HAUS2: variants seen among roughly 807,000 people sequenced by gnomAD.
The protein encoded by HAUS2 is HAUS augmin-like complex subunit 2.
Under a neutral mutation model 21.6 loss-of-function variants are expected in HAUS2, and 20 were observed. The ratio of observed to expected loss-of-function variants is 0.93; its 90% confidence interval spans 0.65 to 1.35. The LOEUF is 1.35. Ranked by LOEUF, HAUS2 falls within the 40% of genes most tolerant of loss-of-function variation. The pLI is 0.00. For missense variants in HAUS2, 297 were observed against 280.7 expected (o/e 1.06, Z -0.42); for synonymous variants, 113 against 95.6 (o/e 1.18, Z -1.06).
In HAUS2 at chr15:42,567,141, T is replaced by G; in HGVS notation, c.*325T>G. On this transcript the variant is annotated 3_prime_UTR_variant, in exon 6 of 6. Transcript: ENST00000260372. The stretch of plus-strand genomic sequence containing the variant: ...ATCGTCTGGTGTGGTGGCTCACACC[T>G]GTAATCCTAACACTTGGGGAGGCTG... 4.5e-6 allele frequency: 1 copy of G among 221,636 alleles called. No individual in the cohort carries two copies. Among genetic ancestry groups the G allele is most frequent in the Non-Finnish European group, 9.0e-6 (1 of 111,284 alleles). The allele number at this position is 221,636 out of a possible 1,614,324, so 13.7% of individuals were successfully genotyped here.
chr15:42,561,036 T>A (rs2057846849), intron 3 of HAUS2, among the ~76,000 whole-genome samples: 1 of 152,152 alleles, frequency 6.6e-6, no homozygotes, highest in Non-Finnish European at 1.5e-5. Context: ...TAGCACTAGA[T>A]TTGGTTATCA....
intron 4 of HAUS2, chr15:42,561,610 G>A: frequency 2.2e-6 from 1 of 445,442 alleles, no homozygotes; most frequent in Non-Finnish European, 4.0e-6. Flanking sequence ...ATCGTGTTTT[G>A]GGAATTATAA....
At position 42,568,200 on chromosome 15, in the gene HAUS2, A is replaced by C. The variant is rs1427486889; in HGVS notation, c.*1384A>C. ...TCAGCTGTTGCATCTGGGAACTTAGATATCAGAAGGTATCTTAGTCTGTTC... is the reference window on the plus strand; with the variant it reads ...TCAGCTGTTGCATCTGGGAACTTAGCTATCAGAAGGTATCTTAGTCTGTTC... On this transcript the variant is annotated 3_prime_UTR_variant, in exon 6 of 6. Transcript: ENST00000260372. The C allele has an allele frequency of 1.3e-5, 2 of 152,216 alleles. No individual in the cohort carries two copies. Among genetic ancestry groups the C allele is most frequent in the Admixed American group, 1.3e-4 (2 of 15,270 alleles). The allele number at this position is 152,216 out of a possible 1,614,324, so 9.4% of individuals were successfully genotyped here.
chr15:42,559,394 A>T lies in HAUS2; in HGVS notation c.242A>T (p.His81Leu). The change falls in exon 3 of 6, where the codon CAT (histidine) becomes CTT (leucine). Residue 81 changes from histidine (H) to leucine (L), a missense_variant. By Grantham distance (99) the His-to-Leu change is moderately conservative. Transcript: ENST00000260372. ...GAAAAAGATACAGCAGATGTTGTTC[A>T]TCCTTTCTTTTTGGGTAAGTGGTTT... ...KLEKDTADVV[H>L]PFFLAQKCHT... is the part of the protein sequence containing the mutation. 2 of 1,602,390 alleles carry T rather than the reference A, an allele frequency of 1.2e-6. No individual in the cohort carries two copies. Among genetic ancestry groups the T allele is most frequent in the Non-Finnish European group, 1.7e-6 (2 of 1,169,342 alleles).
At chr15:42,560,761 GT>G in intron 3 of HAUS2, 1 of 698,792 alleles carries the variant, frequency 1.4e-6, no homozygotes, top group Non-Finnish European at 2.6e-6. Context: ...GCTAATTTTT[GT>G]TTTTTCAATT....
intron 1 of HAUS2, among the ~76,000 whole-genome samples, chr15:42,553,826 T>C (rs1459135535): frequency 6.6e-6 from 1 of 151,594 alleles, no homozygotes; most frequent in Non-Finnish European, 1.5e-5. Context: ...TTGTAGAAAA[T>C]ATTTTACTTT....
chr15:42,560,840 G>A (rs903352838), intron 3 of HAUS2: 9 of 701,972 alleles, frequency 1.3e-5, no homozygotes, highest in South Asian at 3.0e-5. Context: ...CAATTCTCCC[G>A]TTTCAGTCTC....
intron 2 of HAUS2, 24 bp downstream of exon 2, chr15:42,558,314 CTTTTTTTTTTTTT>C (rs547363768): frequency 9.6e-5 from 36 of 375,834 alleles, no homozygotes; most frequent in African/African-American, 5.5e-4. Flanking sequence ...TTTTCACTTT[CTTTTTTTTTTTTT>C]TTTTTTTTTT....
Position 42,558,193 on chromosome 15 carries a change from A to T in HAUS2, c.94-5A>T, listed in dbSNP as rs542762361. On this transcript the variant is annotated splice_region_variant and splice_polypyrimidine_tract_variant and intron_variant, in intron 1 of 5. Coordinates refer to ENST00000260372, the MANE Select transcript of HAUS2 (RefSeq NM_018097.3). ...CTGCTACTTTCCTTATTCATTTACC[A>T]ATAGGAGATGTTAAACATGTCTAAG... 5 of 1,276,352 alleles carry T rather than the reference A, an allele frequency of 3.9e-6. No homozygotes were observed. In the East Asian group the frequency reaches 1.2e-4, roughly 30 times the overall value. The allele number at this position is 1,276,352 out of a possible 1,614,324, so 79.1% of individuals were successfully genotyped here.
In HAUS2 at chr15:42,569,296, C is replaced by A. The variant is rs1566838577; in HGVS notation, c.*2480C>A. ...TGTTTTTTGTTTTGTTCTTTTCTTTCCTTTTTTTTTTTTTTTTTTTAAAGA... is the reference window on the plus strand; with the variant it reads ...TGTTTTTTGTTTTGTTCTTTTCTTTACTTTTTTTTTTTTTTTTTTTAAAGA... On this transcript the variant is annotated 3_prime_UTR_variant, in exon 6 of 6. Transcript: ENST00000260372. 1 of 140,670 alleles carries A rather than the reference C, an allele frequency of 7.1e-6. No individual in the cohort carries two copies. The highest frequency in any genetic ancestry group is 1.5e-5 in the Non-Finnish European group (1 of 65,308). 8.7% of individuals were successfully genotyped at this position (140,670 alleles called of 1,614,324 possible).
intron 1 of HAUS2, among the ~76,000 whole-genome samples, chr15:42,550,430 G>A (rs927603493): frequency 2.6e-5 from 4 of 152,088 alleles, no homozygotes; most frequent in African/African-American, 9.7e-5. Context: ...CAAGAAACTT[G>A]CCCATGGTCA....
rs1555383468 is a variant in HAUS2 at position 42,557,317 on chromosome 15, AAATATATATATTATATAT to A, written c.94-871_94-854del. ...TGCGACAGAGTGAGACTCCATTTAA[AAATATATATATTATATAT>A]AATATATATTTTATATATAATATAT... is the stretch of plus-strand genomic sequence containing the variant. On this transcript the variant is annotated intron_variant, in intron 1 of 5. Coordinates refer to ENST00000260372, the MANE Select transcript of HAUS2 (RefSeq NM_018097.3). Among the ~76,000 whole-genome samples the A allele has an allele frequency of 1.6e-4, 7 of 42,634 alleles. 1 individual carries two copies. The highest frequency in any genetic ancestry group is 4.5e-4 in the Non-Finnish European group (7 of 15,452). 28.0% of individuals were successfully genotyped at this position (42,634 alleles called of 152,430 possible).
At chr15:42,557,997 A>T (rs774350413) in intron 1 of HAUS2, among the ~76,000 whole-genome samples, 62 of 151,738 alleles carry the variant, frequency 4.1e-4, no homozygotes, top group South Asian at 1.7e-3. Context: ...TTTTTTTTTT[A>T]AATATTTGAG....
intron 4 of HAUS2, among the ~76,000 whole-genome samples, chr15:42,562,013 CAA>C (rs958151504): frequency 1.4e-5 from 2 of 141,172 alleles, no homozygotes; most frequent in Non-Finnish European, 3.1e-5. Flanking sequence ...CCTGTTTCTA[CAA>C]AAAAAAAAAA....
chr15:42,557,233 A>G (rs11630681), intron 1 of HAUS2, among the ~76,000 whole-genome samples: 15,422 of 137,556 alleles, frequency 0.11, 1,000 homozygotes, highest in Non-Finnish European at 0.15. Flanking sequence ...GGAGAATGGC[A>G]TGAACCCAGG....
chr15:42,555,326 C>G (rs1189443155), intron 1 of HAUS2, among the ~76,000 whole-genome samples: 1 of 151,998 alleles, frequency 6.6e-6, no homozygotes, highest in Non-Finnish European at 1.5e-5. Context: ...GACAGGGTCT[C>G]CCTGTGTTGT....
intron 3 of HAUS2, among the ~76,000 whole-genome samples, chr15:42,560,533 A>G (rs2057838442): frequency 6.6e-6 from 1 of 152,198 alleles, no homozygotes; most frequent in South Asian, 2.1e-4. Context: ...GAATTTTTCC[A>G]AAGAAGAATT....
In HAUS2 at chr15:42,557,683, A is replaced by C. The variant is rs976457128; in HGVS notation, c.94-515A>C. ...GAAGGGGTAACCTTTTTAAAAGAAT[A>C]ATTATGCCTGGATACAAATAATCCT... is the stretch of plus-strand genomic sequence containing the variant. On this transcript the variant is annotated intron_variant, in intron 1 of 5. Coordinates refer to ENST00000260372, the MANE Select transcript of HAUS2 (RefSeq NM_018097.3). 2.0e-5 allele frequency among the ~76,000 whole-genome samples: 3 copies of C among 151,888 alleles called. No individual in the cohort carries two copies. In the South Asian group the frequency reaches 6.2e-4, roughly 32 times the overall value.
intron 1 of HAUS2, among the ~76,000 whole-genome samples, chr15:42,553,096 C>G (rs1443893080): frequency 6.6e-6 from 1 of 151,644 alleles, no homozygotes; most frequent in East Asian, 1.9e-4. Context: ...AAGCAATGCT[C>G]CTGCCTCAGC....
Sources: gnomAD v4.1 joint callset for allele counts (sites outside exome capture counted in the v4.1 genomes callset) on GRCh38, gnomAD v4.1.1 for gene constraint, MANE v1.5 for transcripts, NCBI Gene and HGNC (gene_info 2026-07-23, HGNC 2026-07-21) for gene names.